RPS6KC1: variants seen among roughly 807,000 people sequenced by gnomAD.
RPS6KC1 encodes the protein inactive ribosomal protein S6 kinase delta-1.
A neutral mutation model predicts 103.8 loss-of-function variants in RPS6KC1; 54 were observed. The observed-to-expected ratio is 0.52, with a 90% CI of 0.42 to 0.65. RPS6KC1 has a LOEUF of 0.65. Ranked by LOEUF, RPS6KC1 falls within the 30% of genes least tolerant of loss-of-function variation. The pLI, the probability that RPS6KC1 is intolerant of heterozygous loss-of-function variation, is 0.00. For synonymous variants in RPS6KC1, 439 were observed against 438.7 expected (o/e 1.00, Z -0.01); for missense variants, 1,151 against 1,253.8 (o/e 0.92, Z 1.24).
chr1:213,052,615 A>G (rs1185377427), intron 1 of RPS6KC1, among the ~76,000 whole-genome samples: 1 of 151,748 alleles, frequency 6.6e-6, no homozygotes, highest in Non-Finnish European at 1.5e-5. Context: ...ATCTCTGCTC[A>G]CCGCAACCTC....
chr1:213,062,212 A>T (rs1305196704), intron 1 of RPS6KC1, among the ~76,000 whole-genome samples: 10 of 152,214 alleles, frequency 6.6e-5, no homozygotes, highest in Middle Eastern at 6.3e-3. Flanking sequence ...ATAAAATTTC[A>T]CACTTGACCT....
chr1:213,706,396 G>T, the RPS6KC1 span, among the ~76,000 whole-genome samples: 4 of 152,054 alleles, frequency 2.6e-5, no homozygotes, highest in Admixed American at 6.6e-5. Flanking sequence ...CCTCACAATT[G>T]CTGCAACAGA....
At chr1:213,807,139 C>A in the RPS6KC1 span, among the ~76,000 whole-genome samples, 71 of 152,202 alleles carry the variant, frequency 4.7e-4, no homozygotes, top group African/African-American at 1.3e-3. Context: ...GAGTTTCTGC[C>A]GAGAGATCTG....
chr1:213,788,236 G>C, the RPS6KC1 span, among the ~76,000 whole-genome samples: 1 of 152,150 alleles, frequency 6.6e-6, no homozygotes, highest in East Asian at 1.9e-4. Context: ...ATGCAGCCTA[G>C]GGGATGTGCT....
At chr1:213,200,131 C>G (rs758741035) in intron 8 of RPS6KC1, among the ~76,000 whole-genome samples, 1 of 152,128 alleles carries the variant, frequency 6.6e-6, no homozygotes, top group Non-Finnish European at 1.5e-5. Context: ...CTAGAAAAAA[C>G]TATTTTAAAA....
At chr1:213,764,189 C>T in the RPS6KC1 span, among the ~76,000 whole-genome samples, 2 of 152,258 alleles carry the variant, frequency 1.3e-5, no homozygotes, top group East Asian at 3.9e-4. Flanking sequence ...TGAGAGTTGA[C>T]GGAAACACGC....
At chr1:213,336,800 C>T in the RPS6KC1 span, among the ~76,000 whole-genome samples, 1 of 152,182 alleles carries the variant, frequency 6.6e-6, no homozygotes, top group South Asian at 2.1e-4. Flanking sequence ...GACCTCTGTT[C>T]TTTGTTGTCA....
the RPS6KC1 span, among the ~76,000 whole-genome samples, chr1:213,478,765 C>G: frequency 3.5e-3 from 533 of 152,098 alleles, 1 homozygote; most frequent in Non-Finnish European, 6.2e-3. Flanking sequence ...TCAGATATAG[C>G]TTTTGTAAAT....
At chr1:213,265,580 T>G (rs1452977069) in intron 14 of RPS6KC1, among the ~76,000 whole-genome samples, 1 of 152,244 alleles carries the variant, frequency 6.6e-6, no homozygotes, top group African/African-American at 2.4e-5. Context: ...GAAAGTGGAT[T>G]TGATATATGT....
At chr1:213,105,866 T>G (rs1226081457) in intron 4 of RPS6KC1, among the ~76,000 whole-genome samples, 1 of 152,224 alleles carries the variant, frequency 6.6e-6, no homozygotes, top group Non-Finnish European at 1.5e-5. Context: ...AAGGCTTTAT[T>G]ATTAAACAAG....
chr1:213,562,842 T>C, the RPS6KC1 span, among the ~76,000 whole-genome samples: 1 of 152,038 alleles, frequency 6.6e-6, no homozygotes, highest in African/African-American at 2.4e-5. Flanking sequence ...TTTTAAATAT[T>C]TTGCAGAGTC....
At chr1:213,563,938 T>A in the RPS6KC1 span, among the ~76,000 whole-genome samples, 1 of 151,522 alleles carries the variant, frequency 6.6e-6, no homozygotes, top group Admixed American at 6.6e-5. Context: ...ACCATTTATT[T>A]ACTCAAATGT....
intron 6 of RPS6KC1, among the ~76,000 whole-genome samples, chr1:213,141,265 G>A (rs2086998488): frequency 6.6e-6 from 1 of 151,906 alleles, no homozygotes; most frequent in Admixed American, 6.6e-5. Flanking sequence ...CTTCTGTTTG[G>A]TAGGTTTTTA....
At chr1:213,386,855 T>G in the RPS6KC1 span, among the ~76,000 whole-genome samples, 2 of 152,224 alleles carry the variant, frequency 1.3e-5, no homozygotes, top group African/African-American at 4.8e-5. Flanking sequence ...TGGAATTGCT[T>G]GTTTTCTCTG....
At chr1:213,778,369 G>A in the RPS6KC1 span, among the ~76,000 whole-genome samples, 13 of 152,082 alleles carry the variant, frequency 8.5e-5, no homozygotes, top group Non-Finnish European at 1.8e-4. Flanking sequence ...GCAAGGCCAG[G>A]TTTTGGTATA....
the RPS6KC1 span, among the ~76,000 whole-genome samples, chr1:213,696,298 G>C: frequency 6.6e-6 from 1 of 152,104 alleles, no homozygotes; most frequent in African/African-American, 2.4e-5. Flanking sequence ...TCAGGAGTTT[G>C]AGACCAGTCT....
At chr1:213,639,433 A>T in the RPS6KC1 span, among the ~76,000 whole-genome samples, 1 of 151,998 alleles carries the variant, frequency 6.6e-6, no homozygotes, top group East Asian at 1.9e-4. Flanking sequence ...TTACTTTTCA[A>T]CCTAGAGAGA....
At chr1:213,670,616 T>TC in the RPS6KC1 span, among the ~76,000 whole-genome samples, 8,704 of 152,072 alleles carry the variant, frequency 0.057, 328 homozygotes, top group African/African-American at 0.11. Context: ...GCTGCCACCC[T>TC]CCCCCAGGCC....
chr1:213,681,245 C>T, the RPS6KC1 span, among the ~76,000 whole-genome samples: 1 of 152,202 alleles, frequency 6.6e-6, no homozygotes, highest in Non-Finnish European at 1.5e-5. Flanking sequence ...ATCACTCGCA[C>T]ATGTCGCTGG....
Sources: allele counts gnomAD v4.1 joint callset (sites outside exome capture counted in the v4.1 genomes callset), GRCh38; gene constraint gnomAD v4.1.1; transcripts MANE v1.5; gene names NCBI Gene and HGNC (gene_info 2026-07-23, HGNC 2026-07-21).